The following CADPS variants were observed in gnomAD, a reference collection of about 807,000 sequenced individuals.
CADPS encodes calcium dependent secretion activator.
CADPS carries 57 observed loss-of-function variants against 167.3 expected under a neutral mutation model. The ratio of observed to expected loss-of-function variants is 0.34; its 90% CI spans 0.28 to 0.42. The LOEUF is 0.42. Among genes scored for constraint, CADPS ranks in the 20% least tolerant of loss-of-function variants. CADPS has a pLI of 1.00. For synonymous variants in CADPS, 676 were observed against 635.3 expected, an observed-to-expected ratio of 1.06 and a Z score of -0.96; for missense variants, 1,414 against 1,738.1, an observed-to-expected ratio of 0.81 and a Z score of 3.32.
chr3:62,622,987 A>G (rs1174517268), intron 6 of CADPS, among the ~76,000 whole-genome samples: 1 of 152,228 alleles, frequency 6.6e-6, no homozygotes, highest in Non-Finnish European at 1.5e-5. Flanking sequence ...GAGTTAATCA[A>G]CTAATAAAGA....
At chr3:62,671,127 G>A (rs1377298726) in intron 3 of CADPS, among the ~76,000 whole-genome samples, 1 of 152,138 alleles carries the variant, frequency 6.6e-6, no homozygotes, top group Admixed American at 6.5e-5. Flanking sequence ...AATGCCAACA[G>A]CAGAGGCTTG....
At chr3:62,525,541 T>C (rs1246539878) in intron 13 of CADPS, among the ~76,000 whole-genome samples, 1 of 152,194 alleles carries the variant, frequency 6.6e-6, no homozygotes, top group Admixed American at 6.5e-5. Flanking sequence ...GAGGTGTTTT[T>C]TATACCGCAT....
chr3:62,576,193 A>G (rs1258387590), intron 8 of CADPS, among the ~76,000 whole-genome samples: 4 of 152,184 alleles, frequency 2.6e-5, no homozygotes, highest in South Asian at 2.1e-4. Flanking sequence ...ATCTGGATTT[A>G]CCAATAGACA....
In CADPS at chr3:62,399,557, C is replaced by T; in HGVS notation, c.3911G>A (p.Gly1304Glu). The change falls in exon 30 of 30, where the codon GGG becomes GAG. Residue 1304 changes from glycine to glutamate, a missense_variant. Transcript: ENST00000383710. This position sits in a 1 kb window ranked among gnomAD's most constrained non-coding sequence, Gnocchi z 5.6. ...KKTYRDFRLQ[G>E]VLDSTLNSKT... ...GCTGTTTAAGGTGGAGTCCAGGACC[C>T]CTTGCAATCGGAAATCTCTGTAGGT... 1 of 1,613,956 alleles carries T rather than the reference C, an allele frequency of 6.2e-7. No homozygotes were observed. Among genetic ancestry groups the T allele is most frequent in the Non-Finnish European group, 8.5e-7 (1 of 1,179,930 alleles).
At chr3:62,778,269 C>T (rs889288158) in intron 1 of CADPS, among the ~76,000 whole-genome samples, 3 of 152,150 alleles carry the variant, frequency 2.0e-5, no homozygotes, top group African/African-American at 7.2e-5. Context: ...CCTTTTTCCC[C>T]TTATAATATT....
At chr3:62,730,295 G>C (rs2077523459) in intron 3 of CADPS, among the ~76,000 whole-genome samples, 2 of 152,082 alleles carry the variant, frequency 1.3e-5, no homozygotes, top group African/African-American at 4.8e-5. Context: ...GGGACATTTT[G>C]GTTGTCACCA....
At chr3:62,723,585 A>T (rs1487381987) in intron 3 of CADPS, among the ~76,000 whole-genome samples, 1 of 152,218 alleles carries the variant, frequency 6.6e-6, no homozygotes, top group African/African-American at 2.4e-5. Context: ...ATAGGAAAAA[A>T]AAATCCACTG....
chr3:62,773,196 C>T (rs1343664175), intron 1 of CADPS, among the ~76,000 whole-genome samples: 1 of 151,964 alleles, frequency 6.6e-6, no homozygotes, highest in Non-Finnish European at 1.5e-5. Flanking sequence ...AAAATATGCC[C>T]TTTCTACAAC....
At chr3:62,664,616 C>CAT (rs1181353307) in intron 3 of CADPS, among the ~76,000 whole-genome samples, 1 of 152,230 alleles carries the variant, frequency 6.6e-6, no homozygotes, top group Non-Finnish European at 1.5e-5. Flanking sequence ...GTTCAAAATA[C>CAT]ATATGCAAAT....
chr3:62,402,594 A>G (rs1168486682), intron 29 of CADPS, among the ~76,000 whole-genome samples: 4 of 152,230 alleles, frequency 2.6e-5, no homozygotes, highest in Non-Finnish European at 5.9e-5. Context: ...GTATACACGC[A>G]TTGTAAGACG....
intron 3 of CADPS, among the ~76,000 whole-genome samples, chr3:62,672,208 C>CT (rs11369000): frequency 0.95 from 144,981 of 152,192 alleles, 69,434 homozygotes; most frequent in East Asian, 1. Flanking sequence ...ACACAGAGTC[C>CT]GGGCCTCACC....
chr3:62,618,462 C>T (rs2062677163), intron 6 of CADPS, among the ~76,000 whole-genome samples: 1 of 152,110 alleles, frequency 6.6e-6, no homozygotes, highest in Non-Finnish European at 1.5e-5. Flanking sequence ...ATGCAATTTA[C>T]CCATGTAACA....
At position 62,875,047 on chromosome 3, in the gene CADPS, G is replaced by T; in HGVS notation, c.-18C>A. ...TCCAGCATAGTGGCGCCTGGGGAGC[G>T]GGGTCTCTGGAGCCCCCGGCTTGGA... is the stretch of plus-strand genomic sequence containing the variant. On this transcript the variant is annotated 5_prime_UTR_variant, in exon 1 of 30. Transcript: ENST00000383710. 2 of 1,572,174 alleles carry T rather than the reference G, an allele frequency of 1.3e-6. No individual in the cohort carries two copies. Among genetic ancestry groups the T allele is most frequent in the African/African-American group, 1.4e-5 (1 of 71,540 alleles).
intron 3 of CADPS, among the ~76,000 whole-genome samples, chr3:62,713,377 A>G (rs996121384): frequency 1.3e-5 from 2 of 152,000 alleles, no homozygotes; most frequent in Non-Finnish European, 2.9e-5. Flanking sequence ...AGACAAAACC[A>G]CCTCTCCATA....
intron 1 of CADPS, among the ~76,000 whole-genome samples, chr3:62,813,111 CTA>C (rs1334293534): frequency 1.3e-5 from 2 of 151,852 alleles, no homozygotes; most frequent in East Asian, 3.9e-4. Context: ...TAAAAAAAAA[CTA>C]TTTTAAAATC....
intron 17 of CADPS, among the ~76,000 whole-genome samples, chr3:62,510,191 C>CATCTAACTATCTATCT (rs1553853782): frequency 6.7e-6 from 1 of 148,266 alleles, no homozygotes. Flanking sequence ...CCTATTTCTG[C>CATCTAACTATCTATCT]ATCTATCTAT....
chr3:62,539,168 C>T (rs968818080), intron 11 of CADPS, among the ~76,000 whole-genome samples: 1 of 152,016 alleles, frequency 6.6e-6, no homozygotes, highest in African/African-American at 2.4e-5. Context: ...TTAGGTTGAG[C>T]TCTGTTTTTA....
chr3:62,741,218 C>T (rs1282869981), intron 3 of CADPS, among the ~76,000 whole-genome samples: 1 of 152,154 alleles, frequency 6.6e-6, no homozygotes, highest in African/African-American at 2.4e-5. Flanking sequence ...GGTACCATTT[C>T]TACTGAAACT....
intron 3 of CADPS, among the ~76,000 whole-genome samples, chr3:62,736,062 A>G (rs1229184976): frequency 1.3e-5 from 2 of 152,170 alleles, no homozygotes; most frequent in Non-Finnish European, 2.9e-5. Context: ...GAGAAGTACC[A>G]CAAGACTGCA....
Sources: gnomAD v4.1 joint callset for allele counts (sites outside exome capture counted in the v4.1 genomes callset) on GRCh38, gnomAD v4.1.1 for gene constraint, Gnocchi (gnomAD v3.1) non-coding constraint, MANE v1.5 for transcripts, NCBI Gene and HGNC (gene_info 2026-07-23, HGNC 2026-07-21) for gene names.